Variants in KIAA1958 observed in about 807,000 individuals in gnomAD.
The protein encoded by KIAA1958 is KIAA1958.
A neutral mutation model predicts 47.2 loss-of-function variants in KIAA1958; 14 were observed. That is an observed-to-expected ratio of 0.30 (90% CI 0.20 to 0.46). KIAA1958 has a LOEUF of 0.46. KIAA1958 is among the 20% of genes least tolerant of loss of function. The pLI, the probability that KIAA1958 is intolerant of heterozygous loss-of-function variation, is 1.00. For synonymous variants in KIAA1958, 354 were observed against 353.3 expected (o/e 1.00, Z -0.02); for missense variants, 803 against 909.2 (o/e 0.88, Z 1.50).
intron 2 of KIAA1958, among the ~76,000 whole-genome samples, chr9:112,609,813 A>G (rs1190955140): frequency 1.3e-5 from 2 of 152,018 alleles, no homozygotes; most frequent in Non-Finnish European, 2.9e-5. Flanking sequence ...CAGCCTCCCA[A>G]AGTGCTGGGA....
chr9:112,658,455 G>C (rs1837192626), intron 3 of KIAA1958, among the ~76,000 whole-genome samples: 1 of 152,100 alleles, frequency 6.6e-6, no homozygotes. Context: ...TGCAAACAAA[G>C]AAAACCAAGG....
chr9:112,590,119 G>A (rs1376108142), intron 2 of KIAA1958, among the ~76,000 whole-genome samples: 1 of 152,078 alleles, frequency 6.6e-6, no homozygotes. Context: ...ATCACCTGGG[G>A]GCTTGCTTAA....
At chr9:112,522,819 G>A (rs1834572083) in intron 1 of KIAA1958, among the ~76,000 whole-genome samples, 1 of 152,140 alleles carries the variant, frequency 6.6e-6, no homozygotes, top group Non-Finnish European at 1.5e-5. Context: ...AGTCCCCAGT[G>A]GGTCCTTGGA....
chr9:112,658,672 G>C (rs1837197056), intron 3 of KIAA1958, among the ~76,000 whole-genome samples: 1 of 152,018 alleles, frequency 6.6e-6, no homozygotes, highest in Non-Finnish European at 1.5e-5. Flanking sequence ...GAAATACTGA[G>C]GTTTAGACCA....
At chr9:112,628,302 T>G (rs769291768) in intron 2 of KIAA1958, among the ~76,000 whole-genome samples, 5 of 152,192 alleles carry the variant, frequency 3.3e-5, no homozygotes, top group Admixed American at 1.3e-4. Context: ...TTGGACACAT[T>G]GCTGATGAAA....
rs1272134222 is a variant in KIAA1958 at position 112,645,784 on chromosome 9, A to C, written c.1306A>C (p.Met436Leu). 6.2e-7 allele frequency: 1 copy of C among 1,613,920 alleles called. No homozygotes were observed. The highest frequency in any genetic ancestry group is 1.3e-5 in the African/African-American group (1 of 74,930). The change falls in exon 3 of 4, where the codon ATG becomes CTG. Residue 436 changes from methionine (M) to leucine (L), a missense_variant. By Grantham distance (15) the Met-to-Leu change is conservative (BLOSUM62 2). Around this residue, in one of 2 missense-constraint regions of KIAA1958, gnomAD observed 761 missense variants for 829.3 expected, o/e 0.92. Coordinates refer to ENST00000337530, the MANE Select transcript of KIAA1958 (RefSeq NM_133465.4). ...CTTGAATGTGTGGCGTTATTGGTGCATGACCAACGGGCTCAAAGACCACAC... is the reference window on the plus strand; with the variant it reads ...CTTGAATGTGTGGCGTTATTGGTGCCTGACCAACGGGCTCAAAGACCACAC... The part of the protein sequence containing the change: ...YALNVWRYWC[M>L]TNGLKDHTDI...
Position 112,574,976 on chromosome 9 carries a change from C to T in KIAA1958, c.896C>T (p.Thr299Ile). 2 of 1,614,158 alleles carry T rather than the reference C, an allele frequency of 1.2e-6. No homozygotes were observed. Among genetic ancestry groups the T allele is most frequent in the Admixed American group, 3.3e-5 (2 of 60,026 alleles). The change falls in exon 2 of 4, where the codon ACA becomes ATA. Residue 299 changes from threonine to isoleucine, a missense_variant. Thr to Ile is a moderately conservative substitution (Grantham distance 89, BLOSUM62 -1). This residue lies in a region of KIAA1958 where 761 missense variants were observed against 829.3 expected (regional missense o/e 0.92). Transcript: ENST00000337530. ...TCACCAAACAGAGGACCCCCTGGTA[C>T]ACATGGCACCAACCAACAGGTGGCC... ...LASPNRGPPGTHGTNQQVAMQ... is the reference protein window; with the variant it reads ...LASPNRGPPGIHGTNQQVAMQ...
intron 3 of KIAA1958, among the ~76,000 whole-genome samples, chr9:112,648,250 A>T (rs1184701529): frequency 6.6e-6 from 1 of 152,060 alleles, no homozygotes; most frequent in Non-Finnish European, 1.5e-5. Flanking sequence ...GAGAATTAAT[A>T]GTAGGTTTGT....
At chr9:112,579,987 A>G (rs1835710169) in intron 2 of KIAA1958, among the ~76,000 whole-genome samples, 1 of 151,964 alleles carries the variant, frequency 6.6e-6, no homozygotes, top group Non-Finnish European at 1.5e-5. Flanking sequence ...TATTAGATTC[A>G]CCTGTTATAC....
At chr9:112,581,293 C>A (rs1835729874) in intron 2 of KIAA1958, among the ~76,000 whole-genome samples, 1 of 152,108 alleles carries the variant, frequency 6.6e-6, no homozygotes, top group Non-Finnish European at 1.5e-5. Context: ...GATAAACATT[C>A]AATAAATGGA....
At chr9:112,658,933 T>A (rs1249361745) in intron 3 of KIAA1958, among the ~76,000 whole-genome samples, 4 of 137,648 alleles carry the variant, frequency 2.9e-5, no homozygotes, top group African/African-American at 5.6e-5. Context: ...GGCAGGAGAA[T>A]GGCGTGAACC....
At chr9:112,651,112 G>A (rs759599134) in intron 3 of KIAA1958, among the ~76,000 whole-genome samples, 39 of 152,132 alleles carry the variant, frequency 2.6e-4, no homozygotes, top group Non-Finnish European at 4.9e-4. Flanking sequence ...GTAATTTATA[G>A]AACAAGTAGA....
At chr9:112,551,805 G>A (rs113266250) in intron 1 of KIAA1958, among the ~76,000 whole-genome samples, 1 of 152,182 alleles carries the variant, frequency 6.6e-6, no homozygotes, top group Non-Finnish European at 1.5e-5. Flanking sequence ...ATTCTCCACA[G>A]TTGCTGTCTG....
At chr9:112,538,206 G>A (rs748586839) in intron 1 of KIAA1958, among the ~76,000 whole-genome samples, 1 of 152,040 alleles carries the variant, frequency 6.6e-6, no homozygotes, top group Non-Finnish European at 1.5e-5. Flanking sequence ...ATAGCCAGGA[G>A]TGATAGCATG....
rs932551155 is a variant in KIAA1958 at position 112,609,740 on chromosome 9, C to T, written c.1171+34489C>T. On this transcript the variant is annotated intron_variant, in intron 2 of 3. Transcript: ENST00000337530. ...CGAATTTTTAAATTTTTGGTAGAGACCAGGTCTCACTGTGTTGCCCAGGCT... is the reference window on the plus strand; with the variant it reads ...CGAATTTTTAAATTTTTGGTAGAGATCAGGTCTCACTGTGTTGCCCAGGCT... Among the ~76,000 whole-genome samples the T allele has an allele frequency of 3.3e-5, 5 of 152,106 alleles. 1 individual carries two copies. Among genetic ancestry groups the T allele is most frequent in the Non-Finnish European group, 7.4e-5 (5 of 67,986 alleles).
chr9:112,630,606 T>G (rs1259994308), intron 2 of KIAA1958, among the ~76,000 whole-genome samples: 1 of 152,260 alleles, frequency 6.6e-6, no homozygotes, highest in Non-Finnish European at 1.5e-5. Flanking sequence ...TTATTACCTT[T>G]AGCACATATT....
In KIAA1958 at chr9:112,593,839, TTTTTG is replaced by T. The variant is rs10627875; in HGVS notation, c.1171+18623_1171+18627del. Among the ~76,000 whole-genome samples the T allele has an allele frequency of 1.0e-2, 1,476 of 147,942 alleles. 26 individuals are homozygous for T. The highest frequency in any genetic ancestry group is 0.03 in the African/African-American group (1,196 of 39,856). ...CCAACTGCAAGGGAGACTTGTCTGT[TTTTTG>T]TTTTGTTTTGTTTTGTTTTGTTTTG... On this transcript the variant is annotated intron_variant, in intron 2 of 3. Coordinates refer to ENST00000337530, the MANE Select transcript of KIAA1958 (RefSeq NM_133465.4).
Position 112,574,202 on chromosome 9 carries a change from A to G in KIAA1958, c.122A>G (p.His41Arg). 6.2e-7 allele frequency: 1 copy of G among 1,614,124 alleles called. No homozygotes were observed. The highest frequency in any genetic ancestry group is 2.2e-5 in the East Asian group (1 of 44,884). Residue 41 changes from histidine to arginine, a missense_variant, in exon 2 of 4, where the codon CAT (histidine) becomes CGT (arginine). This residue lies in a region of KIAA1958 where 42 missense variants were observed against 79.9 expected (regional missense o/e 0.53). Coordinates refer to ENST00000337530, the MANE Select transcript of KIAA1958 (RefSeq NM_133465.4). ...NLKHLLSEGS[H>R]GNLTAMWGCS... is the part of the protein sequence containing the mutation. ...AAACACTTGCTTTCTGAAGGTTCCC[A>G]TGGGAACCTGACAGCAATGTGGGGC...
At chr9:112,569,591 A>G (rs1588022150) in intron 1 of KIAA1958, among the ~76,000 whole-genome samples, 1 of 150,398 alleles carries the variant, frequency 6.6e-6, no homozygotes, top group East Asian at 1.9e-4. Flanking sequence ...CACAAACTTT[A>G]TTGGTAACAC....
Sources: gnomAD v4.1 joint callset for allele counts (sites outside exome capture counted in the v4.1 genomes callset) on GRCh38, gnomAD v4.1.1 for gene constraint, gnomAD v4.1.1 regional missense constraint, MANE v1.5 for transcripts, NCBI Gene and HGNC (gene_info 2026-07-23, HGNC 2026-07-21) for gene names.